The following AP3B1 variants were observed in gnomAD, a reference collection of about 807,000 sequenced individuals.
AP3B1 encodes adaptor related protein complex 3 subunit beta 1, also known as AP-3 complex subunit beta-1.
AP3B1 carries 61 observed loss-of-function variants against 132.5 expected under a neutral mutation model. The observed-to-expected ratio is 0.46, with a 90% CI of 0.37 to 0.57. AP3B1 has a LOEUF of 0.57. AP3B1 is among the 20% of genes least tolerant of loss of function. The probability of loss-of-function intolerance (pLI) is 0.00; values close to 1 mark genes in which losing one functional copy is unlikely to be tolerated. For synonymous variants in AP3B1, 388 were observed against 438.3 expected, an observed-to-expected ratio of 0.89 and a Z score of 1.43; for missense variants, 1,120 against 1,289.4, an observed-to-expected ratio of 0.87 and a Z score of 2.01.
At chr5:78,218,149 C>T (rs1045908752) in intron 6 of AP3B1, among the ~76,000 whole-genome samples, 1 of 151,972 alleles carries the variant, frequency 6.6e-6, no homozygotes, top group African/African-American at 2.4e-5. Flanking sequence ...GATACTTAAT[C>T]ATATAGTTTT....
At chr5:78,259,722 C>CT (rs1280665060) in intron 2 of AP3B1, among the ~76,000 whole-genome samples, 1 of 152,122 alleles carries the variant, frequency 6.6e-6, no homozygotes, top group East Asian at 1.9e-4. Context: ...AATCCCAGCA[C>CT]TTTGGGAGGC....
At chr5:78,146,883 C>A (rs1433012997) in intron 14 of AP3B1, among the ~76,000 whole-genome samples, 1 of 152,060 alleles carries the variant, frequency 6.6e-6, no homozygotes, top group Non-Finnish European at 1.5e-5. Context: ...AGTCTCATTT[C>A]ATTGCTTAAG....
intron 1 of AP3B1, among the ~76,000 whole-genome samples, chr5:78,293,007 T>G (rs986534432): frequency 6.6e-6 from 1 of 152,054 alleles, no homozygotes; most frequent in African/African-American, 2.4e-5. Context: ...GCCTCCCGAG[T>G]AGCTGGGATT....
At chr5:78,201,947 T>C (rs1471630305) in intron 7 of AP3B1, among the ~76,000 whole-genome samples, 1 of 152,158 alleles carries the variant, frequency 6.6e-6, no homozygotes, top group African/African-American at 2.4e-5. Flanking sequence ...CTGAGATGTA[T>C]ACAGTCTGAT....
At chr5:78,181,445 A>G in intron 8 of AP3B1, 62 bp downstream of exon 8, 1 of 1,496,194 alleles carries the variant, frequency 6.7e-7, no homozygotes, top group Admixed American at 1.7e-5. Context: ...CTAAATTGAG[A>G]TATTTTTAAT....
At chr5:78,060,563 C>A (rs1336272038) in intron 22 of AP3B1, among the ~76,000 whole-genome samples, 1 of 152,128 alleles carries the variant, frequency 6.6e-6, no homozygotes, top group Non-Finnish European at 1.5e-5. Flanking sequence ...CTGTCATGAT[C>A]CCAAGACACC....
In AP3B1 at chr5:78,170,579, A is replaced by C. The variant is rs1743868424; in HGVS notation, c.1168-4907T>G. On this transcript the variant is annotated intron_variant, in intron 11 of 26. Transcript: ENST00000255194. The stretch of plus-strand genomic sequence containing the variant: ...TCTTTTGAGAAGTGTCTGTTCATAT[A>C]CTTTGCCCATTTTCTGATGGGGTTG... Among the ~76,000 whole-genome samples the C allele has an allele frequency of 2.0e-5, 3 of 151,954 alleles. No homozygotes were observed. In the South Asian group the frequency reaches 6.2e-4, roughly 32 times the overall value.
intron 3 of AP3B1, among the ~76,000 whole-genome samples, chr5:78,237,749 G>A (rs571624003): frequency 6.6e-6 from 1 of 152,250 alleles, no homozygotes; most frequent in East Asian, 1.9e-4. Flanking sequence ...GCAGGCAGAG[G>A]TTGTAGTGAG....
chr5:78,229,437 A>G (rs1424849030), intron 3 of AP3B1, among the ~76,000 whole-genome samples: 1 of 152,094 alleles, frequency 6.6e-6, no homozygotes, highest in African/African-American at 2.4e-5. Flanking sequence ...TATATACCTA[A>G]AAGTTATGTA....
intron 22 of AP3B1, among the ~76,000 whole-genome samples, chr5:78,069,855 A>G (rs1749460540): frequency 6.6e-6 from 1 of 152,222 alleles, no homozygotes; most frequent in Non-Finnish European, 1.5e-5. Flanking sequence ...AAACTATACT[A>G]CAAGGCTACA....
At chr5:78,237,690 G>C (rs889255356) in intron 3 of AP3B1, among the ~76,000 whole-genome samples, 2 of 152,052 alleles carry the variant, frequency 1.3e-5, no homozygotes, top group African/African-American at 4.8e-5. Flanking sequence ...ACACAAGCCT[G>C]TAATCCCAGC....
chr5:78,082,849 C>T (rs569653851), intron 22 of AP3B1, among the ~76,000 whole-genome samples: 1 of 151,180 alleles, frequency 6.6e-6, no homozygotes, highest in East Asian at 1.9e-4. Context: ...GAGTTTCGCT[C>T]TTGTTGCTCA....
At chr5:78,116,970 C>T (rs1751866716) in intron 17 of AP3B1, among the ~76,000 whole-genome samples, 1 of 152,078 alleles carries the variant, frequency 6.6e-6, no homozygotes, top group African/African-American at 2.4e-5. Flanking sequence ...CTACAACAGT[C>T]TGCACAGCCC....
intron 7 of AP3B1, among the ~76,000 whole-genome samples, chr5:78,201,941 G>A (rs1456204650): frequency 6.6e-6 from 1 of 152,258 alleles, no homozygotes; most frequent in African/African-American, 2.4e-5. Context: ...TAAGCTCTGA[G>A]ATGTATACAG....
At chr5:78,161,893 G>A (rs1312930159) in intron 13 of AP3B1, among the ~76,000 whole-genome samples, 1 of 151,888 alleles carries the variant, frequency 6.6e-6, no homozygotes, top group African/African-American at 2.4e-5. Flanking sequence ...AAAATAATTA[G>A]AGATTATAGG....
At chr5:78,270,397 C>G (rs1748500175) in intron 1 of AP3B1, among the ~76,000 whole-genome samples, 1 of 151,994 alleles carries the variant, frequency 6.6e-6, no homozygotes, top group African/African-American at 2.4e-5. Flanking sequence ...GAAAGCAACA[C>G]CTAAAACTTA....
chr5:78,113,637 G>A (rs1334531930), intron 19 of AP3B1, 115 bp downstream of exon 19: 1 of 1,205,354 alleles, frequency 8.3e-7, no homozygotes. Flanking sequence ...TTAATATCTG[G>A]AAAAAAATAC....
chr5:78,096,436 G>A (rs1402429084), intron 21 of AP3B1, among the ~76,000 whole-genome samples: 6 of 151,550 alleles, frequency 4.0e-5, no homozygotes, highest in East Asian at 2.0e-4. Flanking sequence ...CCGCCACCCC[G>A]TCTAGGAAGT....
At chr5:78,038,689 A>C (rs186320861) in intron 23 of AP3B1, among the ~76,000 whole-genome samples, 17 of 152,320 alleles carry the variant, frequency 1.1e-4, no homozygotes, top group Middle Eastern at 3.4e-3. Context: ...CTTTTAATAC[A>C]CAATAAACCA....
Sources: allele counts gnomAD v4.1 joint callset (sites outside exome capture counted in the v4.1 genomes callset), GRCh38; gene constraint gnomAD v4.1.1; transcripts MANE v1.5; gene names NCBI Gene and HGNC (gene_info 2026-07-23, HGNC 2026-07-21).